Variants in GPC5 observed in about 807,000 individuals in gnomAD.
The protein encoded by GPC5 is glypican-5.
A neutral mutation model predicts 53.9 loss-of-function variants in GPC5; 47 were observed. The observed-to-expected ratio is 0.87, with a 90% confidence interval of 0.69 to 1.11. GPC5 has a LOEUF of 1.11. Among genes scored for constraint, GPC5 ranks in the 50% most tolerant of loss-of-function variants. GPC5 has a pLI of 0.00. For synonymous variants in GPC5, 286 were observed against 263.3 expected, an observed-to-expected ratio of 1.09 and a Z score of -0.84; for missense variants, 748 against 713.1, an observed-to-expected ratio of 1.05 and a Z score of -0.56.
intron 2 of GPC5, among the ~76,000 whole-genome samples, chr13:91,602,797 C>T (rs989734643): frequency 6.6e-6 from 1 of 152,122 alleles, no homozygotes; most frequent in East Asian, 1.9e-4. Flanking sequence ...TTCAAGAAAT[C>T]ACCCTTTGTG....
chr13:91,879,404 A>G (rs1007844049), intron 5 of GPC5, among the ~76,000 whole-genome samples: 1 of 152,208 alleles, frequency 6.6e-6, no homozygotes, highest in African/African-American at 2.4e-5. Flanking sequence ...GGGCTGCTGT[A>G]CCAGAATACC....
At chr13:92,527,183 A>AG (rs1555287064) in intron 7 of GPC5, among the ~76,000 whole-genome samples, 1 of 14,946 alleles carries the variant, frequency 6.7e-5, no homozygotes, top group African/African-American at 2.2e-4. Context: ...AGAAAGAAAG[A>AG]AGAAAGAAAG....
chr13:91,752,908 G>A (rs2037209798), intron 4 of GPC5, among the ~76,000 whole-genome samples: 1 of 152,144 alleles, frequency 6.6e-6, no homozygotes, highest in South Asian at 2.1e-4. Flanking sequence ...CTGCATTTTG[G>A]TAAAATCCTC....
intron 7 of GPC5, among the ~76,000 whole-genome samples, chr13:92,385,497 CATACATAT>C (rs1566567708): frequency 1.5e-4 from 21 of 135,504 alleles, no homozygotes; most frequent in African/African-American, 3.6e-4. Flanking sequence ...CACATATATA[CATACATAT>C]ACATATATAC....
intron 4 of GPC5, among the ~76,000 whole-genome samples, chr13:91,739,750 T>G (rs2036890406): frequency 6.6e-6 from 1 of 151,416 alleles, no homozygotes; most frequent in African/African-American, 2.5e-5. Flanking sequence ...TGAGCTGGAC[T>G]CAGAAATCAC....
intron 7 of GPC5, among the ~76,000 whole-genome samples, chr13:92,522,746 A>T (rs1881112432): frequency 6.6e-6 from 1 of 152,172 alleles, no homozygotes; most frequent in Admixed American, 6.6e-5. Context: ...GTGCACATGT[A>T]CCCTAGAACT....
At chr13:91,832,638 G>A (rs2038675337) in intron 5 of GPC5, among the ~76,000 whole-genome samples, 1 of 151,848 alleles carries the variant, frequency 6.6e-6, no homozygotes, top group South Asian at 2.1e-4. Context: ...TCTCCTGAAC[G>A]ACTACTGGGT....
At chr13:92,321,421 G>T (rs946721577) in intron 7 of GPC5, among the ~76,000 whole-genome samples, 2 of 152,126 alleles carry the variant, frequency 1.3e-5, no homozygotes, top group African/African-American at 4.8e-5. Flanking sequence ...GTGAAACCCT[G>T]TCTGTACTAA....
rs538790964 is a variant in GPC5, at chr13:91,856,864, G to A, written c.1281-51073G>A. 1.1e-4 allele frequency among the ~76,000 whole-genome samples: 17 copies of A among 150,930 alleles called. No homozygotes were observed. In the South Asian group the frequency reaches 1.2e-3, roughly 11 times the overall value. ...GAAGATGGGGCAGATTTTCTCCTAC[G>A]CTTTATATCAGAATCTTTATAGCTT... On this transcript the variant is annotated intron_variant, in intron 5 of 7. Coordinates refer to ENST00000377067, the MANE Select transcript of GPC5 (RefSeq NM_004466.6).
chr13:91,701,585 A>G (rs558008247), intron 3 of GPC5, among the ~76,000 whole-genome samples: 36 of 150,960 alleles, frequency 2.4e-4, no homozygotes, highest in Non-Finnish European at 4.7e-4. Flanking sequence ...GTGTTTGTGT[A>G]TGTGTGTGTA....
At chr13:91,910,643 C>T (rs2039601318) in intron 6 of GPC5, among the ~76,000 whole-genome samples, 2 of 152,102 alleles carry the variant, frequency 1.3e-5, no homozygotes. Flanking sequence ...TTGATCTGAA[C>T]CTTATTTCTA....
chr13:92,027,480 C>T (rs900081288), intron 6 of GPC5, among the ~76,000 whole-genome samples: 5 of 152,104 alleles, frequency 3.3e-5, no homozygotes, highest in Non-Finnish European at 7.4e-5. Context: ...TTTCAAGAAA[C>T]TATTGACCTT....
At chr13:92,647,106 A>G (rs1481761318) in intron 7 of GPC5, among the ~76,000 whole-genome samples, 1 of 152,026 alleles carries the variant, frequency 6.6e-6, no homozygotes, top group Non-Finnish European at 1.5e-5. Context: ...GCATGCATCT[A>G]TCTTTTCTTC....
At chr13:91,436,815 A>G (rs941094040) in intron 1 of GPC5, among the ~76,000 whole-genome samples, 1 of 151,976 alleles carries the variant, frequency 6.6e-6, no homozygotes, top group Non-Finnish European at 1.5e-5. Context: ...TTATTGTGTG[A>G]GAGTCTAAGT....
intron 6 of GPC5, among the ~76,000 whole-genome samples, chr13:92,121,720 C>T (rs78262666): frequency 0.025 from 3,847 of 152,262 alleles, 194 homozygotes; most frequent in African/African-American, 0.088. Flanking sequence ...TTCTATTCAC[C>T]TTCAGACTTC....
rs752130758 is a variant in GPC5 at position 92,708,857 on chromosome 13, C to CTTTTT, written c.1562-157386_1562-157382dup. Among the ~76,000 whole-genome samples, 180 of 48,184 alleles carry CTTTTT rather than the reference C, an allele frequency of 3.7e-3. 69 individuals are homozygous for CTTTTT. The highest frequency in any genetic ancestry group is 4.9e-3 in the Non-Finnish European group (118 of 24,284). 31.6% of individuals were successfully genotyped at this position (48,184 alleles called of 152,430 possible). A position where few individuals can be genotyped will look rare whatever the true frequency, so the allele number is the denominator to read the frequency against. On this transcript the variant is annotated intron_variant, in intron 7 of 7. Coordinates refer to ENST00000377067, the MANE Select transcript of GPC5 (RefSeq NM_004466.6). ...CTAGCAGCATCTAGCTGGAAACCGC[C>CTTTTT]TTTTTTTTTTTTTTTTTTTTTTTTT... is the stretch of plus-strand genomic sequence containing the variant.
chr13:92,386,455 T>A (rs1874730116), intron 7 of GPC5, among the ~76,000 whole-genome samples: 1 of 152,064 alleles, frequency 6.6e-6, no homozygotes, highest in African/African-American at 2.4e-5. Flanking sequence ...AAAGGTAGAT[T>A]CTACAAGTCA....
At chr13:92,435,362 G>T (rs1182308502) in intron 7 of GPC5, among the ~76,000 whole-genome samples, 1 of 152,156 alleles carries the variant, frequency 6.6e-6, no homozygotes, top group Non-Finnish European at 1.5e-5. Flanking sequence ...TTGACAATCT[G>T]GGAGAAGAGG....
At chr13:91,947,077 T>C (rs1369722151) in intron 6 of GPC5, among the ~76,000 whole-genome samples, 2 of 152,150 alleles carry the variant, frequency 1.3e-5, no homozygotes, top group East Asian at 3.9e-4. Flanking sequence ...TTGTTAACCA[T>C]TGCACACAGA....
Sources: allele counts gnomAD v4.1 joint callset (sites outside exome capture counted in the v4.1 genomes callset), GRCh38; gene constraint gnomAD v4.1.1; transcripts MANE v1.5; gene names NCBI Gene and HGNC (gene_info 2026-07-23, HGNC 2026-07-21).